The following CARD10 variants were observed in gnomAD, a reference collection of about 807,000 sequenced individuals.
CARD10 encodes caspase recruitment domain family member 10, also known as caspase recruitment domain-containing protein 10.
A neutral mutation model predicts 114.6 loss-of-function variants in CARD10; 49 were observed. That is an observed-to-expected ratio of 0.43 (90% CI 0.34 to 0.54). The LOEUF (loss-of-function observed/expected upper bound fraction) is 0.54, where lower values mean the gene tolerates loss of function less well. Among genes scored for constraint, CARD10 ranks in the 20% least tolerant of loss-of-function variants. CARD10 has a pLI of 0.03. For missense variants in CARD10, 1,206 were observed against 1,397.2 expected (o/e 0.86, Z 2.18); for synonymous variants, 602 against 593.2 (o/e 1.01, Z -0.21).
chr22:37,495,613 G>A lies in CARD10; in HGVS notation c.2304-27C>T. 2.5e-6 allele frequency: 4 copies of A among 1,612,580 alleles called. No homozygotes were observed. The African/African-American group carries it at 5.3e-5, about 21-fold the overall frequency. Reference sequence around the variant, plus strand: ...TGTGGGAGGGAGTGACATCATGTGTGTAGAAAGAAGGAAAGCTCCTCATTT... The same window carrying A: ...TGTGGGAGGGAGTGACATCATGTGTATAGAAAGAAGGAAAGCTCCTCATTT... On this transcript the variant is annotated intron_variant, in intron 14 of 19. Transcript: ENST00000251973.
intron 11 of CARD10, among the ~76,000 whole-genome samples, chr22:37,500,495 C>T (rs1277472909): frequency 6.6e-6 from 1 of 152,124 alleles, no homozygotes; most frequent in African/African-American, 2.4e-5. Context: ...CAGCCCCCCA[C>T]TATCCACCAT....
Position 37,492,945 on chromosome 22 carries a change from T to A in CARD10, c.2477-143A>T. ...CCTACACATGCACACACACACACCCTTAGTAGGACCGACGGTGGCAGTAGG... is the reference window on the plus strand; with the variant it reads ...CCTACACATGCACACACACACACCCATAGTAGGACCGACGGTGGCAGTAGG... On this transcript the variant is annotated intron_variant, in intron 16 of 19. Coordinates refer to ENST00000251973, the MANE Select transcript of CARD10 (RefSeq NM_014550.4). The surrounding 1 kb of genome is among the most constrained non-coding windows in gnomAD (Gnocchi z 5.7). 1.2e-6 allele frequency: 1 copy of A among 811,158 alleles called. No homozygotes were observed. The highest frequency in any genetic ancestry group is 1.9e-6 in the Non-Finnish European group (1 of 526,980). 50.2% of individuals were successfully genotyped at this position (811,158 alleles called of 1,614,324 possible).
chr22:37,496,565 G>A lies in CARD10; in HGVS notation c.1948-5C>T. The stretch of plus-strand genomic sequence containing the variant: ...ACCAGCAGCTTCCACCCTTTGCTGG[G>A]AGAAAACCCAGGCAGGGAGGGAAAG... On this transcript the variant is annotated splice_region_variant and splice_polypyrimidine_tract_variant and intron_variant, in intron 12 of 19. Transcript: ENST00000251973. This position sits in a 1 kb window ranked among gnomAD's most constrained non-coding sequence, Gnocchi z 4.1. 2 of 1,606,438 alleles carry A rather than the reference G, an allele frequency of 1.2e-6. No homozygotes were observed. The highest frequency in any genetic ancestry group is 1.7e-6 in the Non-Finnish European group (2 of 1,174,134).
At chr22:37,509,084 C>T (rs1331724755) in intron 4 of CARD10, 3 of 1,547,432 alleles carry the variant, frequency 1.9e-6, no homozygotes, top group Non-Finnish European at 8.7e-7. Context: ...AGGGGCTGAG[C>T]CTGGCCCATA....
At chr22:37,506,835 G>A (rs1923428501) in intron 6 of CARD10, among the ~76,000 whole-genome samples, 1 of 152,246 alleles carries the variant, frequency 6.6e-6, no homozygotes, top group South Asian at 2.1e-4. Context: ...GTCCAGACCT[G>A]TCACCCATGC....
At chr22:37,516,590 G>A (rs7291745) in intron 2 of CARD10, among the ~76,000 whole-genome samples, 11,501 of 152,186 alleles carry the variant, frequency 0.076, 754 homozygotes, top group African/African-American at 0.17. Flanking sequence ...ACTCAGAGCC[G>A]TAATATATAA....
At chr22:37,514,391 G>A (rs1923765108) in intron 3 of CARD10, among the ~76,000 whole-genome samples, 1 of 152,118 alleles carries the variant, frequency 6.6e-6, no homozygotes, top group South Asian at 2.1e-4. Flanking sequence ...GTTTTTCACA[G>A]TAGAGCAGGC....
In CARD10 at chr22:37,492,105, T is replaced by C. The variant is rs555706439; in HGVS notation, c.2752-238A>G. Among the ~76,000 whole-genome samples the C allele has an allele frequency of 1.2e-3, 189 of 151,884 alleles. No homozygotes were observed. Among genetic ancestry groups the C allele is most frequent in the Non-Finnish European group, 2.1e-3 (145 of 67,938 alleles). On this transcript the variant is annotated intron_variant, in intron 18 of 19. Coordinates refer to ENST00000251973, the MANE Select transcript of CARD10 (RefSeq NM_014550.4). The surrounding 1 kb of genome is among the most constrained non-coding windows in gnomAD (Gnocchi z 5.7). Reference sequence around the variant, plus strand: ...GACCTAGGCCTCCCCACCCGGAGGATGGAGCTGACCCAAACCCACCCACCA... The same window carrying C: ...GACCTAGGCCTCCCCACCCGGAGGACGGAGCTGACCCAAACCCACCCACCA...
At chr22:37,502,562 C>A in intron 11 of CARD10, 40 bp downstream of exon 11, 1 of 1,594,846 alleles carries the variant, frequency 6.3e-7, no homozygotes, top group Non-Finnish European at 8.5e-7. Flanking sequence ...CCCTCTCAAG[C>A]AATCACCCCA....
chr22:37,500,388 ATGCTCTGCC>A (rs1923169876), intron 11 of CARD10, among the ~76,000 whole-genome samples: 2 of 152,100 alleles, frequency 1.3e-5, no homozygotes, highest in South Asian at 4.1e-4. Context: ...AGTGCTCTCC[ATGCTCTGCC>A]TCTCTCACCC....
chr22:37,496,151 C>CAG lies in CARD10; in HGVS notation c.2060-150_2060-149dup, dbSNP rs1226272257. On this transcript the variant is annotated intron_variant, in intron 13 of 19. Transcript: ENST00000251973. This position sits in a 1 kb window ranked among gnomAD's most constrained non-coding sequence, Gnocchi z 4.1. ...TCACCTTCTTAGAATGACTTAGGTCCAGAGGGGGCAGGGACTTGCCCAAGG... is the reference window on the plus strand; with the variant it reads ...TCACCTTCTTAGAATGACTTAGGTCCAGAGAGGGGGCAGGGACTTGCCCAAGG... 2.8e-6 allele frequency: 3 copies of CAG among 1,075,414 alleles called. No individual in the cohort carries two copies. Among genetic ancestry groups the CAG allele is most frequent in the Non-Finnish European group, 3.9e-6 (3 of 764,262 alleles). The allele number at this position is 1,075,414 out of a possible 1,614,324, so 66.6% of individuals were successfully genotyped here.
intron 11 of CARD10, among the ~76,000 whole-genome samples, chr22:37,502,368 C>T (rs1289196763): frequency 6.6e-6 from 1 of 152,240 alleles, no homozygotes; most frequent in African/African-American, 2.4e-5. Flanking sequence ...GGGTCATCAT[C>T]TCCCTTTAGC....
At position 37,510,270 on chromosome 22, in the gene CARD10, C is replaced by T. The variant is rs200768346; in HGVS notation, c.851G>A (p.Arg284His). 129 of 1,604,968 alleles carry T rather than the reference C, an allele frequency of 8.0e-5. No homozygotes were observed. In the Middle Eastern group the frequency reaches 8.3e-4, roughly 10 times the overall value. The change falls in exon 4 of 20, where the codon CGT becomes CAT. Residue 284 changes from arginine to histidine, a missense_variant. By Grantham distance (29) the Arg-to-His change is conservative. Coordinates refer to ENST00000251973, the MANE Select transcript of CARD10 (RefSeq NM_014550.4). ...CGCCGTCAGCCGCTGGTTCTCAGCA[C>T]GCAGCTCAGAGACAAGGTCCACATT... ...PDNVDLVSEL[R>H]AENQRLTASL...
Position 37,502,618 on chromosome 22 carries a change from G to A in CARD10, c.1771C>T (p.Leu591=). Residue 591 remains leucine, a synonymous_variant, in exon 11 of 20, where the codon CTG becomes TTG. Coordinates refer to ENST00000251973, the MANE Select transcript of CARD10 (RefSeq NM_014550.4). ...CTACAGTACCTGTTGAGGAAGTCCA[G>A]GCCACAGCCCCGAGCCAGGAGGCCT... is the stretch of plus-strand genomic sequence containing the variant. ...PEGLLARGCG[L]DFLNRSLAIR... is the part of the protein sequence containing the mutation. 6.2e-7 allele frequency: 1 copy of A among 1,613,872 alleles called. No individual in the cohort carries two copies. The highest frequency in any genetic ancestry group is 1.1e-5 in the South Asian group (1 of 91,080).
At chr22:37,516,360 A>G in intron 2 of CARD10, 62 bp from the exon 3 acceptor site, 1 of 1,229,246 alleles carries the variant, frequency 8.1e-7, no homozygotes, top group Non-Finnish European at 1.1e-6. Context: ...AGGAGATAAC[A>G]TACTGTGTCA....
intron 11 of CARD10, among the ~76,000 whole-genome samples, chr22:37,500,999 A>C (rs951653345): frequency 1.3e-5 from 2 of 152,260 alleles, no homozygotes; most frequent in African/African-American, 2.4e-5. Context: ...AAGGTCCCAC[A>C]GTAGCAAGTG....
In CARD10 at chr22:37,498,905, TGGG is replaced by T. The variant is rs57436795; in HGVS notation, c.1788-1730_1788-1728del. Among the ~76,000 whole-genome samples, 320 of 75,624 alleles carry T rather than the reference TGGG, an allele frequency of 4.2e-3. 3 individuals carry two copies. Among genetic ancestry groups the T allele is most frequent in the African/African-American group, 0.015 (290 of 19,998 alleles). 49.6% of individuals were successfully genotyped at this position (75,624 alleles called of 152,430 possible). A position where few individuals can be genotyped will look rare whatever the true frequency, so the allele number is the denominator to read the frequency against. ...CTTGCCCTCTGTGGGTGCTGGGGGG[TGGG>T]GGGGGGGGGCACATGAATAAAAGAT... On this transcript the variant is annotated intron_variant, in intron 11 of 19. Coordinates refer to ENST00000251973, the MANE Select transcript of CARD10 (RefSeq NM_014550.4).
intron 15 of CARD10, chr22:37,494,611 A>C (rs1240982788): frequency 4.8e-6 from 1 of 207,530 alleles, no homozygotes; most frequent in Non-Finnish European, 9.8e-6. Flanking sequence ...CACTGATTTT[A>C]CCAATACCTG....
chr22:37,516,388 A>C, intron 2 of CARD10, 90 bp from the exon 3 acceptor site: 2 of 910,086 alleles, frequency 2.2e-6, no homozygotes, highest in Non-Finnish European at 3.2e-6. Context: ...CAAACCATAA[A>C]AACACTAGAG....
Sources: gnomAD v4.1 joint callset for allele counts (sites outside exome capture counted in the v4.1 genomes callset) on GRCh38, gnomAD v4.1.1 for gene constraint, Gnocchi (gnomAD v3.1) non-coding constraint, MANE v1.5 for transcripts, NCBI Gene and HGNC (gene_info 2026-07-23, HGNC 2026-07-21) for gene names.